BMX: variants seen among roughly 807,000 people sequenced by gnomAD.
The protein encoded by BMX is cytoplasmic tyrosine-protein kinase BMX.
BMX carries 31 observed loss-of-function variants against 59.2 expected under a neutral mutation model. The observed-to-expected ratio is 0.52, with a 90% CI of 0.39 to 0.71. The LOEUF is 0.71. Among genes scored for constraint, BMX ranks in the 30% least tolerant of loss-of-function variants. BMX has a pLI of 0.00. For synonymous variants in BMX, 185 were observed against 181.0 expected (o/e 1.02, Z -0.18); for missense variants, 474 against 491.7 (o/e 0.96, Z 0.34).
intron 1 of BMX, among the ~76,000 whole-genome samples, chrX:15,504,782 T>C (rs1188856313): frequency 1.8e-5 from 2 of 112,312 alleles, no homozygotes; most frequent in African/African-American, 6.5e-5. Flanking sequence ...TGTGCCTTAA[T>C]CACTTTCTAG....
At chrX:15,535,800 C>T (rs1018803959) in intron 12 of BMX, among the ~76,000 whole-genome samples, 15 of 111,419 alleles carry the variant, frequency 1.3e-4, no homozygotes, top group African/African-American at 4.2e-4. Context: ...GAGCATTCCA[C>T]ATTTAAAGCA....
chrX:15,503,990 G>A (rs1359414732), intron 1 of BMX, among the ~76,000 whole-genome samples: 1 of 111,815 alleles, frequency 8.9e-6, no homozygotes, highest in African/African-American at 3.3e-5. Context: ...ACCCCATAGA[G>A]CAGTTGTGAC....
chrX:15,550,144 T>C, intron 18 of BMX, 147 bp downstream of exon 18: 1 of 700,030 alleles, frequency 1.4e-6, no homozygotes, highest in Non-Finnish European at 2.0e-6. Flanking sequence ...CTAAAATGTT[T>C]GTAATCTAAA....
At chrX:15,531,543 A>G (rs980152703) in intron 11 of BMX, 136 bp downstream of exon 11, 10 of 561,211 alleles carry the variant, frequency 1.8e-5, no homozygotes, top group Non-Finnish European at 2.8e-5. Flanking sequence ...ATTGAATGTG[A>G]CCATTTGTAG....
chrX:15,508,380 A>G lies in BMX; in HGVS notation c.27A>G (p.Glu9=). The change falls in exon 2 of 19, where the codon GAA becomes GAG. Residue 9 remains glutamate (E), a synonymous_variant. Coordinates refer to ENST00000348343, the MANE Select transcript of BMX (RefSeq NM_203281.3). The part of the protein sequence containing the change: MDTKSILE[E]LLLKRSQQKK... ...TGGATACAAAATCTATTCTAGAAGAACTTCTTCTCAAAAGATCACAGCAAA... is the reference window on the plus strand; with the variant it reads ...TGGATACAAAATCTATTCTAGAAGAGCTTCTTCTCAAAAGATCACAGCAAA... 8.7e-7 allele frequency: 1 copy of G among 1,147,595 alleles called. No homozygotes were observed. Among genetic ancestry groups the G allele is most frequent in the East Asian group, 3.0e-5 (1 of 33,161 alleles). 94.6% of individuals were successfully genotyped at this position (1,147,595 alleles called of 1,213,427 possible).
At position 15,525,382 on chromosome X, in the gene BMX, T is replaced by C. The variant is rs1038375612; in HGVS notation, c.830+17T>C. On this transcript the variant is annotated intron_variant, in intron 8 of 18. Transcript: ENST00000348343. ...GATTTCATGGTAAATCAAATTCAGA[T>C]ATCTCCTACATCCAGAATATGCTTC... 1.2e-5 allele frequency: 14 copies of C among 1,175,948 alleles called. No individual in the cohort carries two copies. The highest frequency in any genetic ancestry group is 5.8e-6 in the Non-Finnish European group (5 of 865,601).
intron 7 of BMX, 143 bp from the exon 8 acceptor site, chrX:15,525,145 A>G (rs1036986919): frequency 1.9e-6 from 1 of 539,101 alleles, no homozygotes; most frequent in African/African-American, 2.4e-5. Flanking sequence ...GTAACTCATT[A>G]GCTTAAATTT....
At chrX:15,537,585 T>C (rs1925429061) in intron 14 of BMX, among the ~76,000 whole-genome samples, 1 of 111,460 alleles carries the variant, frequency 9.0e-6, no homozygotes, top group Non-Finnish European at 1.9e-5. Flanking sequence ...CCTGTGGTCT[T>C]CCAAACTCCA....
intron 18 of BMX, among the ~76,000 whole-genome samples, chrX:15,555,419 G>A (rs183651975): frequency 1.4e-3 from 158 of 109,659 alleles, no homozygotes; most frequent in Non-Finnish European, 1.4e-3. Flanking sequence ...ATGTTGTTCA[G>A]GATGGTCTCG....
chrX:15,542,187 C>T lies in BMX; in HGVS notation c.1600C>T (p.His534Tyr), dbSNP rs749852426. ...MAFLESHQFIHRDLAARNCLV... is the reference protein window; with the variant it reads ...MAFLESHQFIYRDLAARNCLV... ...CTTCTTGGAGAGTCACCAATTCATA[C>T]ACCGGGACTTGGTAAGCAAAGCCAT... is the stretch of plus-strand genomic sequence containing the variant. The change falls in exon 15 of 19, where the codon CAC becomes TAC. Residue 534 changes from histidine to tyrosine, a missense_variant. By Grantham distance (83) the His-to-Tyr change is moderately conservative (BLOSUM62 2). Transcript: ENST00000348343. 1.7e-6 allele frequency: 2 copies of T among 1,210,015 alleles called. No individual in the cohort carries two copies. The highest frequency in any genetic ancestry group is 2.2e-6 in the Non-Finnish European group (2 of 894,176).
intron 2 of BMX, among the ~76,000 whole-genome samples, 192 bp downstream of exon 2, chrX:15,508,683 TAG>T (rs1923833282): frequency 8.9e-6 from 1 of 112,400 alleles, no homozygotes; most frequent in African/African-American, 3.2e-5. Flanking sequence ...TTTAAAACAT[TAG>T]TTAACTTTAC....
Position 15,556,144 on chromosome X carries a change from T to C in BMX, c.2025T>C (p.His675=). The part of the protein sequence containing the change: ...SIEPLREKDK[H] ...AACCACTTCGGGAAAAAGACAAGCA[T>C]TGAAGAAGAAATTAGGAGTGCTGAT... The change falls in exon 19 of 19, where the codon CAT becomes CAC. Residue 675 remains histidine, a synonymous_variant. Coordinates refer to ENST00000348343, the MANE Select transcript of BMX (RefSeq NM_203281.3). The C allele has an allele frequency of 1.7e-6, 2 of 1,203,998 alleles. No individual in the cohort carries two copies. Among genetic ancestry groups the C allele is most frequent in the Admixed American group, 2.2e-5 (1 of 45,177 alleles).
At chrX:15,531,516 T>A in intron 11 of BMX, 109 bp downstream of exon 11, 1 of 661,181 alleles carries the variant, frequency 1.5e-6, no homozygotes, top group Non-Finnish European at 2.3e-6. Context: ...TCTGGAATTT[T>A]AAATCAAAGT....
chrX:15,509,532 T>A (rs1239398847), intron 3 of BMX, 99 bp downstream of exon 3: 2 of 582,827 alleles, frequency 3.4e-6, no homozygotes, highest in East Asian at 8.7e-5. Flanking sequence ...TATTTCAAAA[T>A]AATCTAAACA....
rs1384751176 is a variant in BMX, at chrX:15,556,424, G to T, written c.*277G>T. On this transcript the variant is annotated 3_prime_UTR_variant, in exon 19 of 19. Transcript: ENST00000348343. ...TGCAATATAGAGACTGTGTTCATGT[G>T]TAAAGACTGAGCAGAACTGAAAAAT... 2.8e-5 allele frequency: 6 copies of T among 213,732 alleles called. No homozygotes were observed. The highest frequency in any genetic ancestry group is 4.7e-4 in the South Asian group (2 of 4,276). 17.6% of individuals were successfully genotyped at this position (213,732 alleles called of 1,213,427 possible). A position where few individuals can be genotyped will look rare whatever the true frequency, so the allele number is the denominator to read the frequency against.
intron 18 of BMX, among the ~76,000 whole-genome samples, chrX:15,550,252 G>C (rs1926128589): frequency 9.0e-6 from 1 of 111,572 alleles, no homozygotes; most frequent in Non-Finnish European, 1.9e-5. Flanking sequence ...GAAACACACT[G>C]AGGTAAGTAC....
intron 2 of BMX, 84 bp downstream of exon 2, chrX:15,508,575 A>C (rs762232033): frequency 2.5e-6 from 2 of 800,494 alleles, no homozygotes; most frequent in South Asian, 6.5e-5. Context: ...TAATGAAAGA[A>C]TATCAGGTTT....
intron 4 of BMX, among the ~76,000 whole-genome samples, chrX:15,513,710 T>C (rs948454949): frequency 8.9e-6 from 1 of 111,800 alleles, no homozygotes; most frequent in Non-Finnish European, 1.9e-5. Context: ...GCTAACCAGA[T>C]GTGGAAAAAA....
intron 16 of BMX, among the ~76,000 whole-genome samples, chrX:15,544,186 A>G (rs996300860): frequency 9.0e-6 from 1 of 111,625 alleles, no homozygotes; most frequent in Non-Finnish European, 1.9e-5. Flanking sequence ...TTGCCCTAAA[A>G]TGCCATAGGA....
Sources: allele counts gnomAD v4.1 joint callset (sites outside exome capture counted in the v4.1 genomes callset), GRCh38; gene constraint gnomAD v4.1.1; transcripts MANE v1.5; gene names NCBI Gene and HGNC (gene_info 2026-07-23, HGNC 2026-07-21).